The following MXI1 variants were observed in gnomAD, a reference collection of about 807,000 sequenced individuals.
The protein encoded by MXI1 is MAX interactor 1, dimerization protein.
MXI1 carries 18 observed loss-of-function variants against 36.9 expected under a neutral mutation model. That is an observed-to-expected ratio of 0.49 (90% CI 0.34 to 0.72). The LOEUF (loss-of-function observed/expected upper bound fraction) is 0.72. MXI1 is among the 30% of genes least tolerant of loss of function. The pLI is 0.01. For missense variants in MXI1, 304 were observed against 379.1 expected, an observed-to-expected ratio of 0.80 and a Z score of 1.64; for synonymous variants, 160 against 146.7, an observed-to-expected ratio of 1.09 and a Z score of -0.65.
chr10:110,223,775 C>T (rs373388172), intron 1 of MXI1, among the ~76,000 whole-genome samples: 3 of 150,736 alleles, frequency 2.0e-5, no homozygotes, highest in East Asian at 1.9e-4. Flanking sequence ...AGATCCAAAA[C>T]GACCTAGTCA....
chr10:110,280,476 C>G (rs187341955), intron 5 of MXI1, among the ~76,000 whole-genome samples: 3 of 151,618 alleles, frequency 2.0e-5, no homozygotes, highest in Non-Finnish European at 4.4e-5. Flanking sequence ...GTCAGGAGAT[C>G]GAGGCCATCC....
chr10:110,213,584 C>T (rs1854559798), intron 1 of MXI1, among the ~76,000 whole-genome samples: 1 of 152,182 alleles, frequency 6.6e-6, no homozygotes, highest in Non-Finnish European at 1.5e-5. Flanking sequence ...ATTGTTACGG[C>T]TTTCAGAATC....
At chr10:110,268,939 TAAC>T (rs529880323) in intron 3 of MXI1, among the ~76,000 whole-genome samples, 6 of 152,152 alleles carry the variant, frequency 3.9e-5, no homozygotes, top group Non-Finnish European at 8.8e-5. Context: ...CTTCAGTTAT[TAAC>T]AACAACAACA....
chr10:110,208,328 G>T, intron 1 of MXI1: 1 of 382,296 alleles, frequency 2.6e-6, no homozygotes, highest in South Asian at 3.1e-5. Flanking sequence ...GCGGGCTGGG[G>T]CTGGGAGGAT....
intron 1 of MXI1, 86 bp downstream of exon 1, chr10:110,208,168 G>C (rs1451167173): frequency 7.2e-7 from 1 of 1,387,572 alleles, no homozygotes; most frequent in Middle Eastern, 2.6e-4. Flanking sequence ...AGCTCGGCCC[G>C]TCCCCCCCCC....
intron 1 of MXI1, chr10:110,226,333 G>T: frequency 6.9e-7 from 1 of 1,446,024 alleles, no homozygotes; most frequent in Non-Finnish European, 9.1e-7. Context: ...AATCTTTTTC[G>T]GCAGTGCGGT....
At chr10:110,227,168 T>TGGGGAGGGTCGCGCGTGTGC (rs1187738583) in intron 1 of MXI1, among the ~76,000 whole-genome samples, 31 of 31,636 alleles carry the variant, frequency 9.8e-4, no homozygotes, top group Non-Finnish European at 1.6e-3. Flanking sequence ...CGCGCGTGTG[T>TGGGGAGGGTCGCGCGTGTGC]GGGGAGGGTC....
intron 1 of MXI1, among the ~76,000 whole-genome samples, chr10:110,219,041 T>A (rs1050058903): frequency 2.0e-5 from 3 of 152,232 alleles, no homozygotes; most frequent in Non-Finnish European, 2.9e-5. Flanking sequence ...GGCTCATGCC[T>A]GTAATCCCAG....
intron 1 of MXI1, among the ~76,000 whole-genome samples, chr10:110,213,577 G>C (rs1402393032): frequency 6.6e-6 from 1 of 152,216 alleles, no homozygotes; most frequent in African/African-American, 2.4e-5. Flanking sequence ...TGAGGATATT[G>C]TTACGGCTTT....
At chr10:110,210,967 T>C (rs1204976352) in intron 1 of MXI1, among the ~76,000 whole-genome samples, 2 of 151,876 alleles carry the variant, frequency 1.3e-5, no homozygotes, top group Non-Finnish European at 2.9e-5. Context: ...GGCGTTCCGA[T>C]AGGATTCCAG....
intron 1 of MXI1, chr10:110,208,436 T>G: frequency 5.9e-6 from 1 of 169,898 alleles, no homozygotes; most frequent in Non-Finnish European, 1.3e-5. Context: ...TTTTTTTTTT[T>G]TTCCGGAGCC....
rs150554117 is a variant in MXI1 at position 110,257,300 on chromosome 10, G to GT, written c.437+12453dup. 1.3e-3 allele frequency: 188 copies of GT among 146,794 alleles called. 1 individual carries two copies. Among genetic ancestry groups the GT allele is most frequent in the African/African-American group, 3.8e-3 (153 of 40,042 alleles). The allele number at this position is 146,794 out of a possible 1,614,324, so 9.1% of individuals were successfully genotyped here. ...TTGTACACAAACAAGTTAAGGGCAA[G>GT]TTTTTTTTTTGGTTTTTTTTTTTTT... On this transcript the variant is annotated intron_variant, in intron 3 of 5. Transcript: ENST00000332674.
At chr10:110,265,593 A>G (rs183163894) in intron 3 of MXI1, among the ~76,000 whole-genome samples, 8 of 152,292 alleles carry the variant, frequency 5.3e-5, no homozygotes, top group Admixed American at 5.2e-4. Context: ...CTTATTAGAC[A>G]TTGTGTGCTA....
intron 3 of MXI1, among the ~76,000 whole-genome samples, chr10:110,261,429 A>ATTTT (rs754963291): frequency 0.049 from 6,972 of 141,166 alleles, 231 homozygotes; most frequent in Middle Eastern, 0.14. Context: ...TATTCAAACC[A>ATTTT]TTTTTTTTTT....
At chr10:110,218,337 C>T (rs1378886719) in intron 1 of MXI1, among the ~76,000 whole-genome samples, 2 of 151,958 alleles carry the variant, frequency 1.3e-5, no homozygotes, top group Non-Finnish European at 2.9e-5. Flanking sequence ...GTAGTCCCAG[C>T]TACTCGGGAG....
At chr10:110,253,316 G>A (rs1856167899) in intron 3 of MXI1, among the ~76,000 whole-genome samples, 2 of 151,886 alleles carry the variant, frequency 1.3e-5, no homozygotes, top group Admixed American at 1.3e-4. Context: ...TTGAGAGAGT[G>A]ATGGTTTTGG....
chr10:110,272,538 C>G (rs1027212224), intron 3 of MXI1, among the ~76,000 whole-genome samples: 1 of 152,018 alleles, frequency 6.6e-6, no homozygotes, highest in African/African-American at 2.4e-5. Context: ...TATATATAGC[C>G]TATGCTAAGA....
At chr10:110,208,171 C>G (rs1274569141) in intron 1 of MXI1, 89 bp downstream of exon 1, 1 of 1,345,704 alleles carries the variant, frequency 7.4e-7, no homozygotes, top group Admixed American at 2.7e-5. Flanking sequence ...TCGGCCCGTC[C>G]CCCCCCCGCC....
At chr10:110,283,279 T>TGA (rs34739405) in intron 5 of MXI1, among the ~76,000 whole-genome samples, 3 of 151,514 alleles carry the variant, frequency 2.0e-5, no homozygotes, top group African/African-American at 4.9e-5. Flanking sequence ...TTTTTTTTTT[T>TGA]GAGAGAGAGT....
Sources: gnomAD v4.1 joint callset for allele counts (sites outside exome capture counted in the v4.1 genomes callset) on GRCh38, gnomAD v4.1.1 for gene constraint, MANE v1.5 for transcripts, NCBI Gene and HGNC (gene_info 2026-07-23, HGNC 2026-07-21) for gene names.